GDA: variants seen among roughly 807,000 people sequenced by gnomAD.
GDA encodes cytoplasmic PSD-95 interactor.
Under a neutral mutation model 59.6 loss-of-function variants are expected in GDA, and 18 were observed. That is an observed-to-expected ratio of 0.30 (90% CI 0.21 to 0.45). The LOEUF (loss-of-function observed/expected upper bound fraction) is 0.45. Ranked by LOEUF, GDA falls within the 20% of genes least tolerant of loss-of-function variation. The probability of loss-of-function intolerance (pLI) is 1.00; values close to 1 mark genes in which losing one functional copy is unlikely to be tolerated. For missense variants in GDA, 427 were observed against 552.3 expected (o/e 0.77, Z 2.27); for synonymous variants, 201 against 201.1 (o/e 1.00, Z 0.00).
Position 72,204,019 on chromosome 9 carries a change from A to G in GDA, c.384+1277A>G, listed in dbSNP as rs1459124333. 2.0e-5 allele frequency among the ~76,000 whole-genome samples: 3 copies of G among 151,974 alleles called. No individual in the cohort carries two copies. In the East Asian group the frequency reaches 5.8e-4, roughly 29 times the overall value. On this transcript the variant is annotated intron_variant, in intron 3 of 13. Coordinates refer to ENST00000358399, the MANE Select transcript of GDA (RefSeq NM_004293.5). ...TTTAGTAGAGACGGGGTTTCACCAT[A>G]TTGCTCAGGCTGGTCTTGAACTCCT...
intron 9 of GDA, among the ~76,000 whole-genome samples, chr9:72,229,617 A>G (rs1478114787): frequency 6.6e-6 from 1 of 152,166 alleles, no homozygotes; most frequent in East Asian, 1.9e-4. Context: ...GGCAGAGTGG[A>G]GAAGAGTATT....
intron 1 of GDA, among the ~76,000 whole-genome samples, chr9:72,144,342 G>A (rs760201706): frequency 1.3e-4 from 20 of 152,004 alleles, no homozygotes; most frequent in Non-Finnish European, 2.4e-4. Flanking sequence ...TATTATATTC[G>A]TATCACTTAA....
At chr9:72,160,012 T>G (rs1306191997) in intron 1 of GDA, among the ~76,000 whole-genome samples, 1 of 152,068 alleles carries the variant, frequency 6.6e-6, no homozygotes, top group African/African-American at 2.4e-5. Flanking sequence ...CAAGAATATA[T>G]TCATCAGCCG....
At chr9:72,168,290 C>T (rs1034197780) in intron 1 of GDA, among the ~76,000 whole-genome samples, 22 of 151,438 alleles carry the variant, frequency 1.5e-4, no homozygotes, top group South Asian at 8.4e-4. Flanking sequence ...GTCCCAGCTA[C>T]GCAGGAGGCT....
intron 5 of GDA, 152 bp downstream of exon 5, chr9:72,214,143 C>T (rs1835784051): frequency 1.9e-5 from 11 of 572,634 alleles, no homozygotes; most frequent in Middle Eastern, 2.7e-4. Flanking sequence ...TGCAATGGGT[C>T]GGTTAGTCTA....
chr9:72,172,991 T>C (rs1050655168), intron 1 of GDA, among the ~76,000 whole-genome samples: 1 of 152,224 alleles, frequency 6.6e-6, no homozygotes, highest in Non-Finnish European at 1.5e-5. Context: ...CTGCAAATTA[T>C]AACACAGTGA....
intron 2 of GDA, among the ~76,000 whole-genome samples, chr9:72,199,853 T>G (rs985942382): frequency 1.3e-5 from 2 of 152,166 alleles, no homozygotes; most frequent in Non-Finnish European, 2.9e-5. Flanking sequence ...CCAAGATTGA[T>G]CCTGATCTTT....
At chr9:72,238,479 T>C (rs1839260333) in intron 10 of GDA, among the ~76,000 whole-genome samples, 1 of 152,260 alleles carries the variant, frequency 6.6e-6, no homozygotes, top group Non-Finnish European at 1.5e-5. Context: ...AACTTGCTCA[T>C]GTGGGAAGCC....
At chr9:72,230,611 G>C (rs1446836273) in intron 9 of GDA, among the ~76,000 whole-genome samples, 1 of 152,024 alleles carries the variant, frequency 6.6e-6, no homozygotes, top group African/African-American at 2.4e-5. Context: ...CAGAGGCAGC[G>C]TTTGAACAGT....
At chr9:72,239,468 G>A (rs1839371369) in intron 10 of GDA, among the ~76,000 whole-genome samples, 1 of 151,970 alleles carries the variant, frequency 6.6e-6, no homozygotes, top group Admixed American at 6.6e-5. Context: ...AGGTATTTAA[G>A]TCTTCCATAT....
At chr9:72,136,583 T>C (rs766281004) in intron 1 of GDA, among the ~76,000 whole-genome samples, 1 of 152,190 alleles carries the variant, frequency 6.6e-6, no homozygotes, top group African/African-American at 2.4e-5. Context: ...TCCTGGAAGA[T>C]TGACATGTGA....
intron 1 of GDA, among the ~76,000 whole-genome samples, chr9:72,168,269 G>C (rs1301554578): frequency 6.6e-6 from 1 of 151,924 alleles, no homozygotes; most frequent in Non-Finnish European, 1.5e-5. Context: ...GCATAGTGGT[G>C]CGTGCCTGTG....
At chr9:72,160,048 C>G (rs150476002) in intron 1 of GDA, among the ~76,000 whole-genome samples, 4,815 of 152,114 alleles carry the variant, frequency 0.032, 274 homozygotes, top group African/African-American at 0.11. Context: ...GCCTATAATC[C>G]CAGCACTTTC....
At chr9:72,236,005 A>G (rs190678277) in intron 10 of GDA, among the ~76,000 whole-genome samples, 40 of 152,320 alleles carry the variant, frequency 2.6e-4, no homozygotes, top group Admixed American at 9.2e-4. Flanking sequence ...TACTTCTTCC[A>G]TTATTCCAAA....
intron 11 of GDA, 27 bp downstream of exon 11, chr9:72,241,325 C>T (rs1839586436): frequency 1.3e-6 from 2 of 1,551,768 alleles, no homozygotes; most frequent in Admixed American, 3.4e-5. Context: ...TTTTCTCTCA[C>T]ACAATATACA....
chr9:72,157,101 G>A (rs10869133), intron 1 of GDA, among the ~76,000 whole-genome samples: 24,188 of 146,650 alleles, frequency 0.16, 2,528 homozygotes, highest in East Asian at 0.5. Context: ...GTGCAGTGGC[G>A]CGATCTTAGC....
In GDA at chr9:72,245,166, A is replaced by T; in HGVS notation, c.1154A>T (p.Glu385Val). ...TCAATAGCCCTGGGGCTGGATGGTG[A>T]GATTGGAAACTTTGAAGTGGGCAAG... ...GGSQALGLDG[E>V]IGNFEVGKEF... Residue 385 changes from glutamate to valine, a missense_variant, in exon 12 of 14, where the codon GAG (glutamate) becomes GTG (valine). Physicochemically the swap from Glu to Val is moderately radical, Grantham distance 121 (BLOSUM62 -2). Coordinates refer to ENST00000358399, the MANE Select transcript of GDA (RefSeq NM_004293.5). 1 of 1,613,698 alleles carries T rather than the reference A, an allele frequency of 6.2e-7. No individual in the cohort carries two copies. The highest frequency in any genetic ancestry group is 8.5e-7 in the Non-Finnish European group (1 of 1,179,748).
upstream of GDA, among the ~76,000 whole-genome samples, chr9:72,148,741 C>A (rs542752299): frequency 6.2e-4 from 94 of 152,300 alleles, no homozygotes; most frequent in African/African-American, 2.2e-3. Flanking sequence ...CACTGAGGCC[C>A]ACGTGTCTTG....
chr9:72,149,494 C>T lies in GDA; in HGVS notation c.-66C>T, dbSNP rs1162139986. 1 of 1,579,836 alleles carries T rather than the reference C, an allele frequency of 6.3e-7. No individual in the cohort carries two copies. The highest frequency in any genetic ancestry group is 1.4e-5 in the African/African-American group (1 of 72,934). On this transcript the variant is annotated 5_prime_UTR_variant, in exon 1 of 14. Transcript: ENST00000358399. ...GCAGCCGCCCGCAGCTGCAGAGAGT[C>T]CCGCTGCGTCTCCGCCGCGTGCGCC...
Sources: allele counts gnomAD v4.1 joint callset (sites outside exome capture counted in the v4.1 genomes callset), GRCh38; gene constraint gnomAD v4.1.1; transcripts MANE v1.5; gene names NCBI Gene and HGNC (gene_info 2026-07-23, HGNC 2026-07-21).